The following BCAS3 variants were observed in gnomAD, a reference collection of about 807,000 sequenced individuals.
BCAS3 encodes the protein BCAS3 microtubule associated cell migration factor.
BCAS3 carries 53 observed loss-of-function variants against 116.1 expected under a neutral mutation model. The ratio of observed to expected loss-of-function variants is 0.46; its 90% CI spans 0.37 to 0.57. The LOEUF is 0.57. BCAS3 is among the 20% of genes least tolerant of loss of function. The pLI is 0.00. For synonymous variants in BCAS3, 391 were observed against 408.2 expected (o/e 0.96, Z 0.51); for missense variants, 917 against 1,165.4 (o/e 0.79, Z 3.10).
intron 13 of BCAS3, among the ~76,000 whole-genome samples, chr17:60,929,717 C>G (rs1029877616): frequency 4.9e-5 from 5 of 101,266 alleles, no homozygotes; most frequent in African/African-American, 1.9e-4. Context: ...TATCCCTCCC[C>G]CCTCCCCCCA....
intron 4 of BCAS3, among the ~76,000 whole-genome samples, chr17:60,694,228 C>T (rs1204436406): frequency 2.7e-5 from 4 of 147,236 alleles, no homozygotes; most frequent in South Asian, 2.3e-4. Flanking sequence ...ATTGGCTGGG[C>T]GTGGTGGCTC....
At chr17:61,182,528 C>T (rs1261388351) in intron 22 of BCAS3, among the ~76,000 whole-genome samples, 1 of 152,156 alleles carries the variant, frequency 6.6e-6, no homozygotes. Flanking sequence ...GTATAATTTA[C>T]ATACAATACA....
intron 22 of BCAS3, among the ~76,000 whole-genome samples, chr17:61,290,435 A>G (rs1436944179): frequency 6.6e-6 from 1 of 152,226 alleles, no homozygotes; most frequent in African/African-American, 2.4e-5. Context: ...CTCTGCTTAT[A>G]TATGTTTAAG....
Position 61,202,059 on chromosome 17 carries a change from C to CT in BCAS3, c.2425+117518dup, listed in dbSNP as rs35961240. Among the ~76,000 whole-genome samples the CT allele has an allele frequency of 4.1e-3, 289 of 70,314 alleles. 3 individuals carry two copies. Among genetic ancestry groups the CT allele is most frequent in the African/African-American group, 0.013 (254 of 19,038 alleles). 46.1% of individuals were successfully genotyped at this position (70,314 alleles called of 152,430 possible). A position where few individuals can be genotyped will look rare whatever the true frequency, so the allele number is the denominator to read the frequency against. On this transcript the variant is annotated intron_variant, in intron 22 of 23. Transcript: ENST00000407086. ...AGGTGTGAGCCACTGTGCCCGGCCT[C>CT]TTTTTTTTTTTTTTTTTTTTTTTGT...
chr17:61,172,090 G>A (rs1343082630), intron 22 of BCAS3, among the ~76,000 whole-genome samples: 1 of 152,136 alleles, frequency 6.6e-6, no homozygotes, highest in Non-Finnish European at 1.5e-5. Flanking sequence ...TCATTACAGA[G>A]CTTCAAAACA....
chr17:61,371,626 G>A (rs974892839), intron 23 of BCAS3, among the ~76,000 whole-genome samples: 3 of 152,166 alleles, frequency 2.0e-5, no homozygotes, highest in African/African-American at 7.2e-5. Flanking sequence ...ATGTTAATTA[G>A]CTCGATTTAG....
chr17:60,882,976 AAGAAAGTC>A (rs1394837857), intron 9 of BCAS3, among the ~76,000 whole-genome samples: 2 of 119,926 alleles, frequency 1.7e-5, no homozygotes, highest in Admixed American at 1.7e-4. Context: ...CAATTCTGTG[AAGAAAGTC>A]ATTGGTAGCT....
chr17:61,067,259 TTATGTGTGTATGTGTATATATATATA>T (rs1294096377), intron 19 of BCAS3, among the ~76,000 whole-genome samples: 1,441 of 101,748 alleles, frequency 0.014, 45 homozygotes, highest in African/African-American at 0.062. Context: ...ATAACTTTAT[TTATGTGTGTATGTGTATATATATATA>T]TATATATATA....
In BCAS3 at chr17:61,132,782, C is replaced by T. The variant is rs1217354943; in HGVS notation, c.2425+48218C>T. ...GGAAGATAGAGTCCACTCCCCTATC[C>T]CCGTCAATGAGAAGAAGCTCCTTAC... is the stretch of plus-strand genomic sequence containing the variant. On this transcript the variant is annotated intron_variant, in intron 22 of 23. Coordinates refer to ENST00000407086, the MANE Select transcript of BCAS3 (RefSeq NM_017679.5). This position sits in a 1 kb window ranked among gnomAD's most constrained non-coding sequence, Gnocchi z 5.1. Among the ~76,000 whole-genome samples the T allele has an allele frequency of 6.6e-6, 1 of 152,084 alleles. No individual in the cohort carries two copies. Among genetic ancestry groups the T allele is most frequent in the Non-Finnish European group, 1.5e-5 (1 of 68,022 alleles).
At chr17:61,160,247 C>A (rs1386582127) in intron 22 of BCAS3, among the ~76,000 whole-genome samples, 1 of 149,364 alleles carries the variant, frequency 6.7e-6, no homozygotes, top group Non-Finnish European at 1.5e-5. Context: ...TTATCTGATT[C>A]CTTGATCAGA....
chr17:61,070,400 T>TATATATATATATATATATATATA (rs1555698457), intron 19 of BCAS3: 47 of 180,982 alleles, frequency 2.6e-4, no homozygotes, highest in Non-Finnish European at 4.4e-4. Context: ...TATATATATA[T>TATATATATATATATATATATATA]CTTTTCACCA....
rs1335247553 is a variant in BCAS3 at position 61,239,320 on chromosome 17, T to C, written c.2426-129007T>C. ...ATAGCAGTACCATCAAAGATAGTTA[T>C]ATATCCAAGAGGAAAGCCTGAGTTT... On this transcript the variant is annotated intron_variant, in intron 22 of 23. Coordinates refer to ENST00000407086, the MANE Select transcript of BCAS3 (RefSeq NM_017679.5). This position sits in a 1 kb window ranked among gnomAD's most constrained non-coding sequence, Gnocchi z 4.2. 6.6e-6 allele frequency among the ~76,000 whole-genome samples: 1 copy of C among 152,244 alleles called. No individual in the cohort carries two copies. Among genetic ancestry groups the C allele is most frequent in the Non-Finnish European group, 1.5e-5 (1 of 68,040 alleles).
At position 61,181,152 on chromosome 17, in the gene BCAS3, C is replaced by T. The variant is rs2079457535; in HGVS notation, c.2425+96588C>T. ...GGAGGATCACTTGACCCTAGGAACT[C>T]GAGGCTGCATTGAGCTGTAATAGCA... On this transcript the variant is annotated intron_variant, in intron 22 of 23. Coordinates refer to ENST00000407086, the MANE Select transcript of BCAS3 (RefSeq NM_017679.5). This position sits in a 1 kb window ranked among gnomAD's most constrained non-coding sequence, Gnocchi z 5.0. Among the ~76,000 whole-genome samples, 1 of 152,106 alleles carries T rather than the reference C, an allele frequency of 6.6e-6. No homozygotes were observed.
chr17:61,277,607 A>T (rs1333569152), intron 22 of BCAS3, among the ~76,000 whole-genome samples: 1 of 150,522 alleles, frequency 6.6e-6, no homozygotes, highest in Admixed American at 6.6e-5. Flanking sequence ...CTGATAAGGG[A>T]CTTATATCTA....
intron 22 of BCAS3, among the ~76,000 whole-genome samples, chr17:61,335,147 C>T (rs2056620978): frequency 6.6e-6 from 1 of 152,246 alleles, no homozygotes; most frequent in Non-Finnish European, 1.5e-5. Flanking sequence ...ACTCAGCAAA[C>T]TTCCCTTAGG....
chr17:60,760,051 T>C (rs1469036065), intron 6 of BCAS3, among the ~76,000 whole-genome samples: 1 of 152,256 alleles, frequency 6.6e-6, no homozygotes, highest in Non-Finnish European at 1.5e-5. Flanking sequence ...TCCATCCCTT[T>C]ACTTTGAGCC....
At chr17:60,891,737 A>G (rs1008295666) in intron 10 of BCAS3, 7 of 455,862 alleles carry the variant, frequency 1.5e-5, no homozygotes, top group Admixed American at 9.4e-5. Context: ...TTCAGCTTCT[A>G]GTGTATCCAT....
At chr17:61,159,994 A>AT (rs5821306) in intron 22 of BCAS3, among the ~76,000 whole-genome samples, 10,389 of 147,132 alleles carry the variant, frequency 0.071, 1,203 homozygotes, top group African/African-American at 0.24. Context: ...GGCATCTTTG[A>AT]TTTTTTTTTT....
At chr17:60,890,075 A>G (rs2057030646) in intron 10 of BCAS3, among the ~76,000 whole-genome samples, 2 of 152,242 alleles carry the variant, frequency 1.3e-5, no homozygotes, top group South Asian at 4.1e-4. Context: ...GGTATTAAGG[A>G]AAGTAGTTTT....
Sources: gnomAD v4.1 joint callset for allele counts (sites outside exome capture counted in the v4.1 genomes callset) on GRCh38, gnomAD v4.1.1 for gene constraint, Gnocchi (gnomAD v3.1) non-coding constraint, MANE v1.5 for transcripts, NCBI Gene and HGNC (gene_info 2026-07-23, HGNC 2026-07-21) for gene names.